Variants in CHSY3 observed in about 807,000 individuals in gnomAD.
CHSY3 encodes chondroitin sulfate synthase 3, also known as N-acetylgalactosaminyl-proteoglycan 3-beta-glucuronosyltransferase 3.
Under a neutral mutation model 67.2 loss-of-function variants are expected in CHSY3, and 35 were observed. That is an observed-to-expected ratio of 0.52 (90% CI 0.40 to 0.69). The LOEUF is 0.69. CHSY3 is among the 30% of genes least tolerant of loss of function. The pLI, the probability that CHSY3 is intolerant of heterozygous loss-of-function variation, is 0.00. For synonymous variants in CHSY3, 474 were observed against 434.7 expected, an observed-to-expected ratio of 1.09 and a Z score of -1.12; for missense variants, 1,069 against 1,138.5, an observed-to-expected ratio of 0.94 and a Z score of 0.88.
At chr5:129,998,086 C>T (rs904101546) in intron 2 of CHSY3, among the ~76,000 whole-genome samples, 2 of 152,190 alleles carry the variant, frequency 1.3e-5, no homozygotes, top group African/African-American at 4.8e-5. Context: ...AATCACCACA[C>T]TGTCTTCCAC....
intron 2 of CHSY3, among the ~76,000 whole-genome samples, chr5:130,116,616 G>A (rs1451256076): frequency 6.6e-6 from 1 of 152,162 alleles, no homozygotes; most frequent in Non-Finnish European, 1.5e-5. Context: ...GCCAAGTGGA[G>A]CGATTCCTGA....
chr5:130,173,970 A>G (rs1409257704), intron 2 of CHSY3, among the ~76,000 whole-genome samples: 1 of 152,048 alleles, frequency 6.6e-6, no homozygotes, highest in African/African-American at 2.4e-5. Flanking sequence ...TAGAATTTTT[A>G]TATTCACTAG....
intron 2 of CHSY3, among the ~76,000 whole-genome samples, chr5:130,150,625 C>T (rs915499706): frequency 3.3e-5 from 5 of 152,084 alleles, no homozygotes; most frequent in Admixed American, 2.0e-4. Context: ...GAAGCAGTCT[C>T]AAAAGGATTA....
Position 129,987,854 on chromosome 5 carries a change from T to TG in CHSY3, c.1086+79495dup, listed in dbSNP as rs886089686. ...ATACTAAATGTGTTGGAAAAGTTTC[T>TG]GATTTTTCTCGCTGCAGTTGTGGCT... On this transcript the variant is annotated intron_variant, in intron 2 of 2. Coordinates refer to ENST00000305031, the MANE Select transcript of CHSY3 (RefSeq NM_175856.5). Among the ~76,000 whole-genome samples, 6 of 152,344 alleles carry TG rather than the reference T, an allele frequency of 3.9e-5. No individual in the cohort carries two copies. The East Asian group carries it at 1.2e-3, about 29-fold the overall frequency.
At chr5:130,141,382 C>A (rs1037636097) in intron 2 of CHSY3, 2 of 379,556 alleles carry the variant, frequency 5.3e-6, no homozygotes, top group African/African-American at 2.1e-5. Context: ...AGGACAACAA[C>A]CTGCTTGTCA....
intron 2 of CHSY3, among the ~76,000 whole-genome samples, chr5:130,060,328 A>C (rs1765670923): frequency 6.6e-6 from 1 of 152,206 alleles, no homozygotes; most frequent in Non-Finnish European, 1.5e-5. Flanking sequence ...TGATCATTCC[A>C]ATAGATGCAG....
chr5:129,912,305 C>T (rs182440691), intron 2 of CHSY3, among the ~76,000 whole-genome samples: 1 of 152,122 alleles, frequency 6.6e-6, no homozygotes, highest in Admixed American at 6.5e-5. Flanking sequence ...ATTGCCAGAA[C>T]AATGGCCCCC....
chr5:129,968,577 G>A (rs999349752), intron 2 of CHSY3, among the ~76,000 whole-genome samples: 4 of 151,738 alleles, frequency 2.6e-5, no homozygotes, highest in African/African-American at 9.7e-5. Flanking sequence ...ACAGTGTTTA[G>A]TCATCTCATC....
intron 2 of CHSY3, among the ~76,000 whole-genome samples, chr5:130,128,936 TTTTTTTTCC>T (rs1277061106): frequency 6.6e-6 from 1 of 152,046 alleles, no homozygotes; most frequent in Non-Finnish European, 1.5e-5. Flanking sequence ...GTGAGGTTTT[TTTTTTTTCC>T]TTTTTTTCAA....
chr5:130,158,858 G>A (rs750870997), intron 2 of CHSY3, among the ~76,000 whole-genome samples: 6 of 152,156 alleles, frequency 3.9e-5, no homozygotes, highest in Non-Finnish European at 7.4e-5. Context: ...GGAGTGCAGT[G>A]CTATGATCAC....
intron 2 of CHSY3, among the ~76,000 whole-genome samples, chr5:130,031,187 C>T (rs1764695666): frequency 6.6e-6 from 1 of 152,008 alleles, no homozygotes. Context: ...GATTCTGCTT[C>T]TCTGGATGTG....
At chr5:130,073,571 A>G (rs1766157485) in intron 2 of CHSY3, among the ~76,000 whole-genome samples, 1 of 152,156 alleles carries the variant, frequency 6.6e-6, no homozygotes, top group Non-Finnish European at 1.5e-5. Flanking sequence ...ATGTGGAGAA[A>G]AGGGAACCAT....
At chr5:129,953,992 G>C (rs909307973) in intron 2 of CHSY3, among the ~76,000 whole-genome samples, 4 of 151,992 alleles carry the variant, frequency 2.6e-5, no homozygotes, top group Non-Finnish European at 5.9e-5. Flanking sequence ...AATTAGATCT[G>C]AGTTGTCAAT....
chr5:130,020,154 A>C lies in CHSY3; in HGVS notation c.1086+111794A>C, dbSNP rs542423077. ...TTCTCTGGGCCAGGTGCAGTGGCTC[A>C]CGCCGGTAGTCCCAGCACTTTGGGA... On this transcript the variant is annotated intron_variant, in intron 2 of 2. Coordinates refer to ENST00000305031, the MANE Select transcript of CHSY3 (RefSeq NM_175856.5). 2.5e-3 allele frequency among the ~76,000 whole-genome samples: 378 copies of C among 152,136 alleles called. 3 individuals carry two copies. Among genetic ancestry groups the C allele is most frequent in the African/African-American group, 8.6e-3 (356 of 41,504 alleles).
intron 2 of CHSY3, among the ~76,000 whole-genome samples, chr5:129,974,293 C>G (rs1002280291): frequency 1.3e-5 from 2 of 151,994 alleles, no homozygotes; most frequent in Middle Eastern, 3.2e-3. Flanking sequence ...CAGATTATCA[C>G]CATAGAAAGG....
intron 2 of CHSY3, among the ~76,000 whole-genome samples, chr5:129,942,070 T>TCC (rs1281419267): frequency 6.6e-6 from 1 of 152,042 alleles, no homozygotes; most frequent in South Asian, 2.1e-4. Context: ...CATCATTCCT[T>TCC]CCCCCAGGGT....
intron 2 of CHSY3, among the ~76,000 whole-genome samples, chr5:129,974,133 AT>A (rs1489484736): frequency 6.6e-6 from 1 of 152,118 alleles, no homozygotes; most frequent in Non-Finnish European, 1.5e-5. Context: ...GGCAAATGAG[AT>A]TTCCTAGCAC....
In CHSY3 at chr5:130,127,118, C is replaced by T. The variant is rs1017903140; in HGVS notation, c.1087-57111C>T. On this transcript the variant is annotated intron_variant, in intron 2 of 2. Coordinates refer to ENST00000305031, the MANE Select transcript of CHSY3 (RefSeq NM_175856.5). Reference sequence around the variant, plus strand: ...CTGAATCAAACAGCAGCTTTGTTTTCCAAGTGTATATTATCAATATACTGT... The same window carrying T: ...CTGAATCAAACAGCAGCTTTGTTTTTCAAGTGTATATTATCAATATACTGT... Among the ~76,000 whole-genome samples, 8 of 152,170 alleles carry T rather than the reference C, an allele frequency of 5.3e-5. No individual in the cohort carries two copies. The East Asian group carries it at 1.5e-3, about 29-fold the overall frequency.
chr5:130,151,008 G>T (rs969758863), intron 2 of CHSY3, among the ~76,000 whole-genome samples: 1 of 152,114 alleles, frequency 6.6e-6, no homozygotes, highest in Non-Finnish European at 1.5e-5. Context: ...TTGTTTCAAA[G>T]CATGACAACT....
Sources: gnomAD v4.1 joint callset for allele counts (sites outside exome capture counted in the v4.1 genomes callset) on GRCh38, gnomAD v4.1.1 for gene constraint, MANE v1.5 for transcripts, NCBI Gene and HGNC (gene_info 2026-07-23, HGNC 2026-07-21) for gene names.